CAMK1D: variants seen among roughly 807,000 people sequenced by gnomAD.
CAMK1D encodes the protein calcium/calmodulin-dependent protein kinase type 1D.
In CAMK1D, 9 loss-of-function variants were observed where a neutral mutation model predicts 47.7. That is an observed-to-expected ratio of 0.19 (90% CI 0.11 to 0.33). CAMK1D has a LOEUF of 0.33. Among genes scored for constraint, CAMK1D ranks in the 10% least tolerant of loss-of-function variants. The pLI is 1.00. For missense variants in CAMK1D, 291 were observed against 488.7 expected (o/e 0.60, Z 3.81); for synonymous variants, 184 against 184.9 (o/e 0.99, Z 0.04).
Position 12,520,310 on chromosome 10 carries a change from C to T in CAMK1D, c.93-32915C>T, listed in dbSNP as rs1310250456. 4.5e-5 allele frequency among the ~76,000 whole-genome samples: 4 copies of T among 89,350 alleles called. 1 individual carries two copies. Among genetic ancestry groups the T allele is most frequent in the East Asian group, 3.3e-4 (1 of 3,036 alleles). The allele number at this position is 89,350 out of a possible 152,430, so 58.6% of individuals were successfully genotyped here. ...CCTAGACAGGGCGGCGGGGCAGAGG[C>T]GCTCCCCACTCAGACGATGGGCGGG... is the stretch of plus-strand genomic sequence containing the variant. On this transcript the variant is annotated intron_variant, in intron 1 of 10. Transcript: ENST00000619168.
Position 12,828,898 on chromosome 10 carries a change from A to G in CAMK1D, c.*11A>G. 1 of 1,562,150 alleles carries G rather than the reference A, an allele frequency of 6.4e-7. No individual in the cohort carries two copies. Among genetic ancestry groups the G allele is most frequent in the Non-Finnish European group, 8.7e-7 (1 of 1,145,514 alleles). ...TCTGGAAGCAAGTGACTGGCCCTGG[A>G]GGTGGGGCCCGGGGTCGGGGCTGGG... On this transcript the variant is annotated 3_prime_UTR_variant, in exon 11 of 11. Coordinates refer to ENST00000619168, the MANE Select transcript of CAMK1D (RefSeq NM_153498.4).
At chr10:12,467,311 C>T (rs1241466722) in intron 1 of CAMK1D, among the ~76,000 whole-genome samples, 1 of 152,094 alleles carries the variant, frequency 6.6e-6, no homozygotes, top group East Asian at 1.9e-4. Flanking sequence ...TGCCACAATG[C>T]CTGGCTAATT....
At position 12,717,731 on chromosome 10, in the gene CAMK1D, G is replaced by GAAAAAAA. The variant is rs11289567; in HGVS notation, c.300-43207_300-43201dup. Among the ~76,000 whole-genome samples the GAAAAAAA allele has an allele frequency of 6.6e-5, 8 of 121,184 alleles. 1 individual carries two copies. The highest frequency in any genetic ancestry group is 2.1e-4 in the African/African-American group (6 of 28,710). The allele number at this position is 121,184 out of a possible 152,430, so 79.5% of individuals were successfully genotyped here. On this transcript the variant is annotated intron_variant, in intron 3 of 10. Transcript: ENST00000619168. ...AGAGGCTTTGTCTCTACAAAAAATT[G>GAAAAAAA]AAAAAAAAAAAAAAAAGCTGGATGT...
chr10:12,480,440 CA>C (rs67727954), intron 1 of CAMK1D, among the ~76,000 whole-genome samples: 1 of 150,460 alleles, frequency 6.6e-6, no homozygotes, highest in African/African-American at 2.4e-5. Context: ...ATCTCAAAAA[CA>C]AAAAACAAAA....
intron 1 of CAMK1D, among the ~76,000 whole-genome samples, chr10:12,532,117 T>C (rs1436531156): frequency 6.6e-6 from 1 of 152,206 alleles, no homozygotes; most frequent in Non-Finnish European, 1.5e-5. Flanking sequence ...ATCATTCCTA[T>C]AACAGAAAAA....
At chr10:12,762,686 T>G (rs1224951166) in intron 4 of CAMK1D, among the ~76,000 whole-genome samples, 1 of 152,208 alleles carries the variant, frequency 6.6e-6, no homozygotes, top group Non-Finnish European at 1.5e-5. Context: ...TATTTGGGAA[T>G]CTTAGTGGAT....
At chr10:12,359,940 T>C (rs1349030982) in intron 1 of CAMK1D, among the ~76,000 whole-genome samples, 1 of 152,200 alleles carries the variant, frequency 6.6e-6, no homozygotes. Flanking sequence ...TCTCAAAAAC[T>C]TTAAATGTCC....
intron 2 of CAMK1D, among the ~76,000 whole-genome samples, chr10:12,628,379 G>A (rs1839285160): frequency 1.3e-5 from 2 of 152,122 alleles, no homozygotes; most frequent in Admixed American, 1.3e-4. Flanking sequence ...ATGTACTAGT[G>A]TGGTCATGGC....
At chr10:12,652,805 C>T (rs1463920795) in intron 2 of CAMK1D, among the ~76,000 whole-genome samples, 1 of 152,142 alleles carries the variant, frequency 6.6e-6, no homozygotes, top group South Asian at 2.1e-4. Flanking sequence ...TATCATAAAA[C>T]TGCAATTTGG....
intron 6 of CAMK1D, among the ~76,000 whole-genome samples, chr10:12,805,948 A>C (rs536890428): frequency 6.6e-6 from 1 of 152,368 alleles, no homozygotes; most frequent in African/African-American, 2.4e-5. Flanking sequence ...ACCAACACGC[A>C]TGCCACGATG....
chr10:12,771,754 C>G lies in CAMK1D; in HGVS notation c.565+1955C>G, dbSNP rs570466811. 2.6e-5 allele frequency among the ~76,000 whole-genome samples: 4 copies of G among 152,274 alleles called. No homozygotes were observed. In the East Asian group the frequency reaches 7.7e-4, roughly 29 times the overall value. Reference sequence around the variant, plus strand: ...CATTTTTGAAAGGTCCAGTGCATGGCCAGGTGCAGTGGCTCACGCCTGTAA... The same window carrying G: ...CATTTTTGAAAGGTCCAGTGCATGGGCAGGTGCAGTGGCTCACGCCTGTAA... On this transcript the variant is annotated intron_variant, in intron 5 of 10. Coordinates refer to ENST00000619168, the MANE Select transcript of CAMK1D (RefSeq NM_153498.4).
At chr10:12,643,798 T>C (rs1460450897) in intron 2 of CAMK1D, among the ~76,000 whole-genome samples, 1 of 151,270 alleles carries the variant, frequency 6.6e-6, no homozygotes, top group African/African-American at 2.4e-5. Context: ...GCACGAGAAT[T>C]GCTTGAACCT....
chr10:12,607,496 A>G (rs1279141405), intron 2 of CAMK1D, among the ~76,000 whole-genome samples: 1 of 152,190 alleles, frequency 6.6e-6, no homozygotes, highest in Non-Finnish European at 1.5e-5. Flanking sequence ...CACTGTTCGC[A>G]TCCCTGAGCG....
chr10:12,657,134 A>G (rs895452618), intron 2 of CAMK1D, among the ~76,000 whole-genome samples: 7 of 152,282 alleles, frequency 4.6e-5, no homozygotes, highest in Non-Finnish European at 8.8e-5. Context: ...ACTTTTTAAA[A>G]GCACCTTTCT....
chr10:12,606,059 A>C (rs913207027), intron 2 of CAMK1D, among the ~76,000 whole-genome samples: 3 of 152,254 alleles, frequency 2.0e-5, no homozygotes, highest in South Asian at 2.1e-4. Flanking sequence ...GAGAAAAGGC[A>C]AAACTGCAAG....
At chr10:12,670,855 G>GT (rs1003808446) in intron 3 of CAMK1D, among the ~76,000 whole-genome samples, 1 of 152,068 alleles carries the variant, frequency 6.6e-6, no homozygotes, top group African/African-American at 2.4e-5. Context: ...AGCCCGAAAT[G>GT]TTTTTTGTTA....
chr10:12,766,629 G>A (rs1241247487), intron 4 of CAMK1D, among the ~76,000 whole-genome samples: 1 of 151,978 alleles, frequency 6.6e-6, no homozygotes, highest in Admixed American at 6.6e-5. Flanking sequence ...TTTGTTAGAA[G>A]GGAAGCCTTG....
chr10:12,568,834 C>T (rs74119204), intron 2 of CAMK1D, among the ~76,000 whole-genome samples: 19 of 152,112 alleles, frequency 1.2e-4, no homozygotes, highest in African/African-American at 1.7e-4. Context: ...TGCAGATGTG[C>T]GTGCTTTGCC....
At chr10:12,790,664 T>G (rs1381572199) in intron 5 of CAMK1D, among the ~76,000 whole-genome samples, 1 of 151,976 alleles carries the variant, frequency 6.6e-6, no homozygotes, top group East Asian at 1.9e-4. Context: ...TTTACATTCT[T>G]TATATACTGT....
Sources: allele counts gnomAD v4.1 joint callset (sites outside exome capture counted in the v4.1 genomes callset), GRCh38; gene constraint gnomAD v4.1.1; transcripts MANE v1.5; gene names NCBI Gene and HGNC (gene_info 2026-07-23, HGNC 2026-07-21).